CHD7: variants seen among roughly 807,000 people sequenced by gnomAD.
CHD7 encodes the protein chromodomain helicase DNA binding protein 7, also known as ATP-dependent chromatin remodeler CHD7.
Under a neutral mutation model 307.3 loss-of-function variants are expected in CHD7, and 24 were observed. That is an observed-to-expected ratio of 0.08 (90% CI 0.06 to 0.11). CHD7 has a LOEUF of 0.11. CHD7 is among the 10% of genes least tolerant of loss of function. The pLI is 1.00. For missense variants in CHD7, 3,106 were observed against 3,727.1 expected (o/e 0.83, Z 4.34); for synonymous variants, 1,363 against 1,349.9 (o/e 1.01, Z -0.21).
chr8:60,816,409 G>A lies in CHD7; in HGVS notation c.2521G>A (p.Ala841Thr), dbSNP rs759815314. 2 of 1,593,268 alleles carry A rather than the reference G, an allele frequency of 1.3e-6. No homozygotes were observed. Among genetic ancestry groups the A allele is most frequent in the East Asian group, 2.2e-5 (1 of 44,636 alleles). ...CAGCTCTTATCTTCATTGTCAGTGGGCATCTATAGAAGATCTGGAAAAAGA... is the reference window on the plus strand; with the variant it reads ...CAGCTCTTATCTTCATTGTCAGTGGACATCTATAGAAGATCTGGAAAAAGA... Reference protein sequence around the residue: ...KNFSYLHCQWASIEDLEKDKR... With the variant: ...KNFSYLHCQWTSIEDLEKDKR... The change falls in exon 8 of 38, where the codon GCA becomes ACA. Residue 841 changes from alanine (A) to threonine (T), a missense_variant. Physicochemically the swap from Ala to Thr is moderately conservative, Grantham distance 58. Coordinates refer to ENST00000423902, the MANE Select transcript of CHD7 (RefSeq NM_017780.4).
intron 2 of CHD7, among the ~76,000 whole-genome samples, chr8:60,772,456 A>ATTTAATCTTT (rs1810756612): frequency 6.6e-6 from 1 of 152,236 alleles, no homozygotes; most frequent in Admixed American, 6.5e-5. Context: ...TCTTCTTTCC[A>ATTTAATCTTT]GTTTAAAGAT....
At chr8:60,697,787 A>G (rs183521386) in intron 1 of CHD7, among the ~76,000 whole-genome samples, 19 of 152,336 alleles carry the variant, frequency 1.2e-4, no homozygotes, top group East Asian at 1.2e-3. Context: ...TTAAATCTCT[A>G]ATCTTTAGCA....
intron 1 of CHD7, among the ~76,000 whole-genome samples, chr8:60,706,506 A>G (rs1807028452): frequency 6.6e-6 from 1 of 152,206 alleles, no homozygotes; most frequent in South Asian, 2.1e-4. Context: ...GGGTAATACT[A>G]GACTACTTGT....
intron 1 of CHD7, among the ~76,000 whole-genome samples, chr8:60,697,745 G>C (rs1423346211): frequency 6.6e-6 from 1 of 152,156 alleles, no homozygotes; most frequent in East Asian, 1.9e-4. Flanking sequence ...GAACAAAAAG[G>C]ACACTCACCT....
At chr8:60,719,834 C>T (rs147853718) in intron 1 of CHD7, among the ~76,000 whole-genome samples, 13 of 152,280 alleles carry the variant, frequency 8.5e-5, no homozygotes, top group African/African-American at 3.1e-4. Context: ...TGAGGGTTAT[C>T]AGCTAGCAGA....
chr8:60,743,220 TTTG>T (rs1272708273), intron 2 of CHD7, 123 bp downstream of exon 2: 94 of 818,336 alleles, frequency 1.1e-4, no homozygotes, highest in Non-Finnish European at 1.8e-4. Context: ...TTAATTTTTA[TTTG>T]TTATTGGCTT....
chr8:60,695,566 T>C (rs1806425592), intron 1 of CHD7, among the ~76,000 whole-genome samples: 1 of 152,220 alleles, frequency 6.6e-6, no homozygotes, highest in Non-Finnish European at 1.5e-5. Context: ...CATTGTCTCA[T>C]GTTTGATGCT....
intron 1 of CHD7, among the ~76,000 whole-genome samples, chr8:60,706,994 G>T (rs921044374): frequency 2.0e-5 from 3 of 151,868 alleles, no homozygotes; most frequent in African/African-American, 7.3e-5. Flanking sequence ...GACAGGCCCC[G>T]GTGTGTGATG....
At chr8:60,779,687 C>T (rs938634914) in intron 2 of CHD7, among the ~76,000 whole-genome samples, 2 of 152,146 alleles carry the variant, frequency 1.3e-5, no homozygotes, top group South Asian at 2.1e-4. Flanking sequence ...TAAGCCTTGG[C>T]GTGTACAGTA....
intron 1 of CHD7, among the ~76,000 whole-genome samples, chr8:60,695,122 T>G (rs1334814758): frequency 6.6e-6 from 1 of 152,080 alleles, no homozygotes; most frequent in Admixed American, 6.5e-5. Flanking sequence ...TTAGAAAGCC[T>G]CCTTTCGAGA....
Position 60,852,229 on chromosome 8 carries a change from T to C in CHD7, c.5876T>C (p.Ile1959Thr), listed in dbSNP as rs778128475. Reference sequence around the variant, plus strand: ...CTGGAAGCGGAAAGGGAAGCTATTATATCTGAGAAGCGGCAAAAGTGAGTT... The same window carrying C: ...CTGGAAGCGGAAAGGGAAGCTATTACATCTGAGAAGCGGCAAAAGTGAGTT... The part of the protein sequence containing the change: ...RALEAEREAI[I>T]SEKRQKWTRR... The change falls in exon 29 of 38, where the codon ATA becomes ACA. Residue 1959 changes from isoleucine (I) to threonine (T), a missense_variant. Physicochemically the swap from Ile to Thr is moderately conservative, Grantham distance 89. Coordinates refer to ENST00000423902, the MANE Select transcript of CHD7 (RefSeq NM_017780.4). 6.2e-7 allele frequency: 1 copy of C among 1,613,056 alleles called. No individual in the cohort carries two copies. The highest frequency in any genetic ancestry group is 8.5e-7 in the Non-Finnish European group (1 of 1,179,600).
intron 30 of CHD7, 42 bp from the exon 31 acceptor site, chr8:60,852,787 T>C: frequency 6.2e-7 from 1 of 1,608,494 alleles, no homozygotes; most frequent in Non-Finnish European, 8.5e-7. Context: ...TAGAATGCCC[T>C]TGAATTCTCC....
chr8:60,853,603 G>C, intron 31 of CHD7, 103 bp downstream of exon 31: 1 of 906,704 alleles, frequency 1.1e-6, no homozygotes, highest in Non-Finnish European at 1.6e-6. Flanking sequence ...CGAGTACTTA[G>C]TGTACATTTT....
chr8:60,713,748 A>T (rs1174920903), intron 1 of CHD7, among the ~76,000 whole-genome samples: 1 of 152,128 alleles, frequency 6.6e-6, no homozygotes, highest in Non-Finnish European at 1.5e-5. Context: ...CACAGATTCC[A>T]GGAGAAGCCA....
chr8:60,855,035 ATAG>A (rs1364780025), intron 32 of CHD7: 5 of 152,326 alleles, frequency 3.3e-5, no homozygotes, highest in African/African-American at 1.2e-4. Flanking sequence ...TTTTGGCTAA[ATAG>A]TATAATTTTA....
chr8:60,736,533 A>G (rs1257632210), intron 1 of CHD7, among the ~76,000 whole-genome samples: 1 of 152,152 alleles, frequency 6.6e-6, no homozygotes, highest in African/African-American at 2.4e-5. Context: ...TTCCTTGGAA[A>G]TTCTGATTCA....
At chr8:60,722,527 G>A (rs1807961254) in intron 1 of CHD7, among the ~76,000 whole-genome samples, 1 of 152,130 alleles carries the variant, frequency 6.6e-6, no homozygotes, top group Non-Finnish European at 1.5e-5. Flanking sequence ...AAGAGCTTTG[G>A]TTTATGTTGG....
intron 1 of CHD7, among the ~76,000 whole-genome samples, chr8:60,725,340 A>C (rs926275504): frequency 2.6e-5 from 4 of 152,248 alleles, no homozygotes; most frequent in African/African-American, 9.6e-5. Flanking sequence ...TCTTCATGAG[A>C]GATCTCTTCT....
rs187274774 is a variant in CHD7 at position 60,792,459 on chromosome 8, C to A, written c.2097-2527C>A. ...TATATTGATGGATGGAAATGCTTAG[C>A]TGTCCGTTAACAACATGAATAGTGA... On this transcript the variant is annotated intron_variant, in intron 3 of 37. Coordinates refer to ENST00000423902, the MANE Select transcript of CHD7 (RefSeq NM_017780.4). Among the ~76,000 whole-genome samples the A allele has an allele frequency of 2.3e-3, 344 of 152,232 alleles. 1 individual carries two copies. The highest frequency in any genetic ancestry group is 7.9e-3 in the African/African-American group (329 of 41,550).
Sources: allele counts gnomAD v4.1 joint callset (sites outside exome capture counted in the v4.1 genomes callset), GRCh38; gene constraint gnomAD v4.1.1; transcripts MANE v1.5; gene names NCBI Gene and HGNC (gene_info 2026-07-23, HGNC 2026-07-21).